GRIK2: variants seen among roughly 807,000 people sequenced by gnomAD.
GRIK2 encodes the protein glutamate ionotropic receptor kainate type subunit 2, also known as glutamate receptor ionotropic, kainate 2.
Under a neutral mutation model 100.3 loss-of-function variants are expected in GRIK2, and 32 were observed. The ratio of observed to expected loss-of-function variants is 0.32; its 90% CI spans 0.24 to 0.43. The LOEUF (loss-of-function observed/expected upper bound fraction) is 0.43, where lower values mean the gene tolerates loss of function less well. Among genes scored for constraint, GRIK2 ranks in the 20% least tolerant of loss-of-function variants. The pLI, the probability that GRIK2 is intolerant of heterozygous loss-of-function variation, is 1.00. For synonymous variants in GRIK2, 417 were observed against 389.4 expected, an observed-to-expected ratio of 1.07 and a Z score of -0.83; for missense variants, 843 against 1,114.9, an observed-to-expected ratio of 0.76 and a Z score of 3.47.
At chr6:101,855,169 C>CT (rs1348488224) in intron 10 of GRIK2, among the ~76,000 whole-genome samples, 1 of 152,024 alleles carries the variant, frequency 6.6e-6, no homozygotes, top group Non-Finnish European at 1.5e-5. Flanking sequence ...AGTTTTAAGC[C>CT]TTTATGATGA....
chr6:101,575,450 T>G (rs973972623), intron 2 of GRIK2, among the ~76,000 whole-genome samples: 4 of 152,002 alleles, frequency 2.6e-5, no homozygotes, highest in Admixed American at 2.0e-4. Flanking sequence ...ACATTTATAT[T>G]GTCTCCATTC....
At chr6:101,502,337 A>G (rs533174911) in intron 2 of GRIK2, among the ~76,000 whole-genome samples, 5 of 152,246 alleles carry the variant, frequency 3.3e-5, no homozygotes, top group South Asian at 4.1e-4. Flanking sequence ...ACACACATAC[A>G]CAAAGATGTT....
chr6:101,968,764 A>G (rs1033804675), intron 14 of GRIK2, among the ~76,000 whole-genome samples: 2 of 151,640 alleles, frequency 1.3e-5, no homozygotes, highest in African/African-American at 4.8e-5. Flanking sequence ...CTGAGGGGAA[A>G]AAATCACTGT....
At chr6:101,423,830 A>G (rs370963016) in intron 2 of GRIK2, among the ~76,000 whole-genome samples, 88 of 152,288 alleles carry the variant, frequency 5.8e-4, no homozygotes, top group African/African-American at 2.0e-3. Flanking sequence ...ATTTATTCAG[A>G]AGCATTGAAA....
chr6:101,714,342 C>A (rs1156563119), intron 7 of GRIK2, among the ~76,000 whole-genome samples: 3 of 151,606 alleles, frequency 2.0e-5, no homozygotes, highest in African/African-American at 7.3e-5. Flanking sequence ...ATTTGATGGG[C>A]CATGAGCAAC....
intron 15 of GRIK2, among the ~76,000 whole-genome samples, chr6:102,052,094 C>T (rs1771229428): frequency 6.6e-6 from 1 of 152,122 alleles, no homozygotes; most frequent in African/African-American, 2.4e-5. Context: ...GTTCTTTGGT[C>T]TCAATGTGTC....
chr6:101,922,572 C>T (rs1367343585), intron 12 of GRIK2, among the ~76,000 whole-genome samples: 1 of 152,042 alleles, frequency 6.6e-6, no homozygotes, highest in Non-Finnish European at 1.5e-5. Context: ...TATTTACTTG[C>T]TATTATTGTG....
At chr6:101,611,517 T>C (rs1223739275) in intron 2 of GRIK2, among the ~76,000 whole-genome samples, 1 of 151,890 alleles carries the variant, frequency 6.6e-6, no homozygotes, top group Non-Finnish European at 1.5e-5. Context: ...CCTGAAATAT[T>C]GACAAAGTGC....
chr6:101,844,645 G>A (rs1783702631), intron 10 of GRIK2, among the ~76,000 whole-genome samples: 1 of 152,180 alleles, frequency 6.6e-6, no homozygotes, highest in African/African-American at 2.4e-5. Flanking sequence ...GATTGTGCTA[G>A]ATGTTTACAC....
chr6:102,035,649 G>A (rs1770231211), intron 15 of GRIK2, 83 bp downstream of exon 15: 3 of 734,910 alleles, frequency 4.1e-6, no homozygotes, highest in Admixed American at 2.3e-5. Context: ...GTCCACGTAT[G>A]CCATTAGGAA....
chr6:101,812,602 T>TG (rs1285863848), intron 9 of GRIK2, among the ~76,000 whole-genome samples: 1 of 151,964 alleles, frequency 6.6e-6, no homozygotes, highest in Non-Finnish European at 1.5e-5. Flanking sequence ...TCAAAGGCCT[T>TG]GGGGTAAAAA....
chr6:101,431,810 A>C (rs1384270768), intron 2 of GRIK2, among the ~76,000 whole-genome samples: 2 of 152,124 alleles, frequency 1.3e-5, no homozygotes, highest in Non-Finnish European at 2.9e-5. Context: ...CCAACACTGA[A>C]GTGGTTCAAG....
chr6:101,532,529 T>C (rs866487035), intron 2 of GRIK2, among the ~76,000 whole-genome samples: 38 of 95,708 alleles, frequency 4.0e-4, no homozygotes, highest in Non-Finnish European at 1.4e-4. Flanking sequence ...GAATGATGTC[T>C]GGGGAGACCT....
intron 14 of GRIK2, among the ~76,000 whole-genome samples, chr6:101,948,010 A>C (rs1245778042): frequency 6.6e-6 from 1 of 152,156 alleles, no homozygotes; most frequent in Non-Finnish European, 1.5e-5. Context: ...GAAACCTTGG[A>C]ATATTTGACA....
intron 1 of GRIK2, among the ~76,000 whole-genome samples, chr6:101,397,399 T>A (rs1463363002): frequency 2.0e-5 from 3 of 152,002 alleles, no homozygotes; most frequent in Admixed American, 6.6e-5. Context: ...ACTGAAGGAG[T>A]CGCTAGATAC....
intron 10 of GRIK2, among the ~76,000 whole-genome samples, chr6:101,840,728 T>C (rs2128434083): frequency 6.6e-6 from 1 of 152,346 alleles, no homozygotes; most frequent in East Asian, 1.9e-4. Context: ...TTGAATCCTA[T>C]AAATTTTATA....
At chr6:101,922,372 A>G (rs895390493) in intron 12 of GRIK2, among the ~76,000 whole-genome samples, 6 of 152,094 alleles carry the variant, frequency 3.9e-5, no homozygotes, top group African/African-American at 1.4e-4. Context: ...AGTCAAACAA[A>G]TTACACAGTC....
At chr6:101,467,101 C>T (rs1343842934) in intron 2 of GRIK2, among the ~76,000 whole-genome samples, 4 of 152,058 alleles carry the variant, frequency 2.6e-5, no homozygotes, top group Non-Finnish European at 5.9e-5. Context: ...ATACCCTTTT[C>T]CAGCAACAGA....
intron 14 of GRIK2, among the ~76,000 whole-genome samples, chr6:101,940,284 C>G (rs1181718904): frequency 2.6e-5 from 4 of 152,038 alleles, no homozygotes; most frequent in Non-Finnish European, 5.9e-5. Flanking sequence ...TCAAGTCTTC[C>G]AGGCTTTACT....
Sources: allele counts gnomAD v4.1 joint callset (sites outside exome capture counted in the v4.1 genomes callset), GRCh38; gene constraint gnomAD v4.1.1; transcripts MANE v1.5; gene names NCBI Gene and HGNC (gene_info 2026-07-23, HGNC 2026-07-21).